The following USP43 variants were observed in gnomAD, a reference collection of about 807,000 sequenced individuals.
USP43 encodes the protein ubiquitin specific peptidase 43.
In USP43, 33 loss-of-function variants were observed where a neutral mutation model predicts 90.7. The ratio of observed to expected loss-of-function variants is 0.36; its 90% CI spans 0.28 to 0.49. The LOEUF (loss-of-function observed/expected upper bound fraction) is 0.49. Among genes scored for constraint, USP43 ranks in the 20% least tolerant of loss-of-function variants. USP43 has a pLI of 0.98. For synonymous variants in USP43, 598 were observed against 615.8 expected, an observed-to-expected ratio of 0.97 and a Z score of 0.43; for missense variants, 1,274 against 1,476.4, an observed-to-expected ratio of 0.86 and a Z score of 2.25.
chr17:9,699,368 C>T (rs1029704049), intron 9 of USP43, among the ~76,000 whole-genome samples: 2 of 152,246 alleles, frequency 1.3e-5, no homozygotes, highest in Non-Finnish European at 2.9e-5. Context: ...CTGGCTCACG[C>T]AGGAAGGTGC....
At chr17:9,663,421 C>T (rs1912783268) in intron 2 of USP43, among the ~76,000 whole-genome samples, 1 of 151,838 alleles carries the variant, frequency 6.6e-6, no homozygotes, top group Admixed American at 6.6e-5. Flanking sequence ...TCTCAGCCTC[C>T]CAAGTAGCTG....
At chr17:9,681,330 A>AG (rs1914216607) in intron 6 of USP43, among the ~76,000 whole-genome samples, 1 of 112,446 alleles carries the variant, frequency 8.9e-6, no homozygotes, top group African/African-American at 3.5e-5. Context: ...ATATATATAT[A>AG]AATAAATATA....
rs1428112717 is a variant in USP43 at position 9,728,825 on chromosome 17, T to A, written c.3207T>A (p.Ser1069=). ...LERDVWSAPS[S]LRLPRKASRA... ...GGGATGTCTGGTCAGCCCCCAGCTC[T>A]CTCCGCCTCCCTCGTAAAGCCAGCA... Residue 1069 remains serine (S), a synonymous_variant, in exon 15 of 15, where the codon TCT becomes TCA. Coordinates refer to ENST00000285199, the MANE Select transcript of USP43 (RefSeq NM_153210.5). The surrounding 1 kb of genome is among the most constrained non-coding windows in gnomAD (Gnocchi z 6.2). The A allele has an allele frequency of 6.2e-7, 1 of 1,613,514 alleles. No homozygotes were observed. The highest frequency in any genetic ancestry group is 2.2e-5 in the East Asian group (1 of 44,870).
chr17:9,666,623 G>T, intron 2 of USP43, 25 bp from the exon 3 acceptor site: 2 of 1,590,992 alleles, frequency 1.3e-6, no homozygotes, highest in Admixed American at 1.7e-5. Flanking sequence ...ATCTAATCTG[G>T]CTTCCTTTCC....
chr17:9,691,102 T>G, intron 8 of USP43, among the ~76,000 whole-genome samples: 1 of 147,174 alleles, frequency 6.8e-6, no homozygotes. Context: ...TCTCAGAATT[T>G]CCTTCATTTT....
rs562489967 is a variant in USP43 at position 9,666,446 on chromosome 17, C to G, written c.637-202C>G. 3.3e-5 allele frequency among the ~76,000 whole-genome samples: 5 copies of G among 152,200 alleles called. No individual in the cohort carries two copies. The East Asian group carries it at 9.7e-4, about 30-fold the overall frequency. The stretch of plus-strand genomic sequence containing the variant: ...GGTTTGCTCTTTTAATGCACACACA[C>G]TTCTTGTCCCAGAGAATTTGGGAGG... On this transcript the variant is annotated intron_variant, in intron 2 of 14. Coordinates refer to ENST00000285199, the MANE Select transcript of USP43 (RefSeq NM_153210.5).
chr17:9,693,013 A>C, intron 8 of USP43, 114 bp from the exon 9 acceptor site: 1 of 844,970 alleles, frequency 1.2e-6, no homozygotes, highest in Non-Finnish European at 1.8e-6. Context: ...GGAATATTCA[A>C]AATACACTAT....
chr17:9,709,128 T>C lies in USP43; in HGVS notation c.2012-828T>C, dbSNP rs1272254316. On this transcript the variant is annotated intron_variant, in intron 12 of 14. Coordinates refer to ENST00000285199, the MANE Select transcript of USP43 (RefSeq NM_153210.5). The surrounding 1 kb of genome is among the most constrained non-coding windows in gnomAD (Gnocchi z 5.0). The stretch of plus-strand genomic sequence containing the variant: ...ATTACTGGGTTATGCTGTCATTTGC[T>C]GACACGTAGAGGGCAAGGAAACGGA... Among the ~76,000 whole-genome samples, 4 of 152,212 alleles carry C rather than the reference T, an allele frequency of 2.6e-5. No individual in the cohort carries two copies. The highest frequency in any genetic ancestry group is 9.6e-5 in the African/African-American group (4 of 41,458).
chr17:9,728,413 C>A lies in USP43; in HGVS notation c.2795C>A (p.Pro932His). The A allele has an allele frequency of 3.1e-6, 5 of 1,610,028 alleles. No homozygotes were observed. The highest frequency in any genetic ancestry group is 4.2e-6 in the Non-Finnish European group (5 of 1,178,198). The change falls in exon 15 of 15, where the codon CCT becomes CAT. Residue 932 changes from proline to histidine, a missense_variant. By Grantham distance (77) the Pro-to-His change is moderately conservative. Transcript: ENST00000285199. This position sits in a 1 kb window ranked among gnomAD's most constrained non-coding sequence, Gnocchi z 6.2. ...AAGCTTCCCAGAAAGTTTGACCTGC[C>A]TCTCACTGTGATGCCTTCAGTGGAG... is the stretch of plus-strand genomic sequence containing the variant. ...DIKLPRKFDL[P>H]LTVMPSVEHE...
intron 3 of USP43, among the ~76,000 whole-genome samples, chr17:9,667,706 G>T (rs1913132593): frequency 6.6e-6 from 1 of 152,162 alleles, no homozygotes; most frequent in Admixed American, 6.5e-5. Flanking sequence ...TGAGCACAGT[G>T]GTCGGGATTT....
intron 6 of USP43, 100 bp downstream of exon 6, chr17:9,680,466 A>G (rs1914092410): frequency 7.2e-7 from 1 of 1,384,424 alleles, no homozygotes; most frequent in African/African-American, 1.4e-5. Context: ...CAATTTTAGC[A>G]CTTGGAACAG....
At chr17:9,721,483 C>A (rs16958681) in intron 14 of USP43, among the ~76,000 whole-genome samples, 2,216 of 152,176 alleles carry the variant, frequency 0.015, 22 homozygotes, top group Middle Eastern at 0.027. Context: ...GCTACCATTG[C>A]GCCACAAGGT....
intron 14 of USP43, among the ~76,000 whole-genome samples, chr17:9,722,016 G>A (rs748604572): frequency 5.3e-5 from 8 of 152,106 alleles, no homozygotes; most frequent in South Asian, 2.1e-4. Flanking sequence ...GATTACAGGC[G>A]TGAGCCACTG....
intron 3 of USP43, among the ~76,000 whole-genome samples, chr17:9,666,971 A>G (rs1913071678): frequency 6.6e-6 from 1 of 151,978 alleles, no homozygotes; most frequent in Admixed American, 6.6e-5. Flanking sequence ...TGAGCTCTCC[A>G]CCTTACTTGA....
intron 14 of USP43, among the ~76,000 whole-genome samples, chr17:9,715,769 G>A (rs1335925860): frequency 1.4e-5 from 2 of 144,266 alleles, no homozygotes; most frequent in African/African-American, 5.6e-5. Context: ...CTGCGTGTTT[G>A]TGTCTATGTG....
chr17:9,674,010 A>G lies in USP43; in HGVS notation c.741-881A>G, dbSNP rs1057145007. Among the ~76,000 whole-genome samples, 1 of 152,072 alleles carries G rather than the reference A, an allele frequency of 6.6e-6. No homozygotes were observed. The highest frequency in any genetic ancestry group is 1.5e-5 in the Non-Finnish European group (1 of 68,020). ...CTTAAAAGCTCAGGATTTTAGAAAG[A>G]TTTTGATGTCTGGACCCCTCTCTAC... is the stretch of plus-strand genomic sequence containing the variant. On this transcript the variant is annotated intron_variant, in intron 3 of 14. Transcript: ENST00000285199. The surrounding 1 kb of genome is among the most constrained non-coding windows in gnomAD (Gnocchi z 4.4).
chr17:9,720,455 C>T (rs1916883562), intron 14 of USP43, among the ~76,000 whole-genome samples: 1 of 150,872 alleles, frequency 6.6e-6, no homozygotes, highest in African/African-American at 2.4e-5. Flanking sequence ...ACCTCTCCTT[C>T]CCACTATCAT....
At chr17:9,687,750 A>G (rs1321212907) in intron 8 of USP43, among the ~76,000 whole-genome samples, 2 of 152,182 alleles carry the variant, frequency 1.3e-5, no homozygotes, top group East Asian at 3.8e-4. Context: ...GCTCAGCAAA[A>G]ACCATATGTT....
chr17:9,677,371 A>G (rs772885605), intron 5 of USP43, among the ~76,000 whole-genome samples: 1 of 152,234 alleles, frequency 6.6e-6, no homozygotes, highest in Non-Finnish European at 1.5e-5. Context: ...CCAAGTCACC[A>G]TTGTATATTT....
Sources: allele counts gnomAD v4.1 joint callset (sites outside exome capture counted in the v4.1 genomes callset), GRCh38; gene constraint gnomAD v4.1.1; non-coding constraint Gnocchi (gnomAD v3.1); transcripts MANE v1.5; gene names NCBI Gene and HGNC (gene_info 2026-07-23, HGNC 2026-07-21).